Variants in BTD observed in about 807,000 individuals in gnomAD.
The protein encoded by BTD is biocytinase.
A neutral mutation model predicts 17.7 loss-of-function variants in BTD; 13 were observed. The observed-to-expected ratio is 0.74, with a 90% CI of 0.48 to 1.17. The LOEUF is 1.17. Ranked by LOEUF, BTD falls within the 50% of genes most tolerant of loss-of-function variation. BTD has a pLI of 0.00. For missense variants in BTD, 674 were observed against 650.4 expected, an observed-to-expected ratio of 1.04 and a Z score of -0.39; for synonymous variants, 240 against 245.2, an observed-to-expected ratio of 0.98 and a Z score of 0.20.
upstream of BTD, chr3:15,601,420 G>C (rs753727327): frequency 6.2e-7 from 1 of 1,614,012 alleles, no homozygotes; most frequent in South Asian, 1.1e-5. Context: ...TTTAGCACCA[G>C]ACACCTGCTC....
chr3:15,715,408 C>T (rs1402736495), downstream of BTD, among the ~76,000 whole-genome samples: 1 of 152,174 alleles, frequency 6.6e-6, no homozygotes, highest in East Asian at 1.9e-4. Flanking sequence ...TAACACTGTA[C>T]AACGCAGATA....
At chr3:15,702,413 T>C (rs1041479397) in intron 3 of BTD, among the ~76,000 whole-genome samples, 5 of 152,226 alleles carry the variant, frequency 3.3e-5, no homozygotes, top group African/African-American at 1.2e-4. Flanking sequence ...GTTCATTTTA[T>C]GAAACGCAGA....
intron 3 of BTD, among the ~76,000 whole-genome samples, chr3:15,671,984 A>G (rs563800507): frequency 5.3e-5 from 8 of 152,262 alleles, no homozygotes; most frequent in African/African-American, 1.9e-4. Context: ...AAATTTATCA[A>G]TGTTGTATGT....
intron 1 of BTD, among the ~76,000 whole-genome samples, chr3:15,610,318 C>T (rs1373665523): frequency 6.6e-6 from 1 of 152,154 alleles, no homozygotes; most frequent in Non-Finnish European, 1.5e-5. Flanking sequence ...CAGCAGGTTG[C>T]AAAAGGGAAT....
At chr3:15,602,395 G>T (rs373547160) in intron 1 of BTD, 1 of 888,524 alleles carries the variant, frequency 1.1e-6, no homozygotes, top group Non-Finnish European at 1.4e-6. Context: ...AGGAACTATG[G>T]CGTTTCATAA....
chr3:15,676,863 GCTT>G, intron 3 of BTD: 1 of 746,418 alleles, frequency 1.3e-6, no homozygotes. Flanking sequence ...TATTAAAATT[GCTT>G]CTATGACTAA....
Position 15,652,312 on chromosome 3 carries a change from C to T in BTD, c.*6824C>T, listed in dbSNP as rs1267547500. ...CTGCACTCCAGTCTGGGCAACAGAGCGACACTCCGTCTCCAAAAAAAAAAG... is the reference window on the plus strand; with the variant it reads ...CTGCACTCCAGTCTGGGCAACAGAGTGACACTCCGTCTCCAAAAAAAAAAG... On this transcript the variant is annotated 3_prime_UTR_variant, in exon 4 of 4. Coordinates refer to ENST00000643237, the MANE Select transcript of BTD (RefSeq NM_001370658.1). 6.6e-6 allele frequency among the ~76,000 whole-genome samples: 1 copy of T among 152,054 alleles called. No individual in the cohort carries two copies. The highest frequency in any genetic ancestry group is 1.5e-5 in the Non-Finnish European group (1 of 68,008).
At chr3:15,615,547 C>T (rs2064767813) in intron 1 of BTD, among the ~76,000 whole-genome samples, 1 of 152,186 alleles carries the variant, frequency 6.6e-6, no homozygotes, top group Admixed American at 6.5e-5. Context: ...TCCAGTATCA[C>T]CTCACCACTC....
chr3:15,622,804 C>G (rs2064983718), intron 1 of BTD, among the ~76,000 whole-genome samples: 1 of 152,190 alleles, frequency 6.6e-6, no homozygotes, highest in Non-Finnish European at 1.5e-5. Flanking sequence ...TTGTGACCCA[C>G]TTTTTAATCC....
downstream of BTD, among the ~76,000 whole-genome samples, chr3:15,654,549 T>C (rs1461572640): frequency 1.3e-5 from 2 of 152,182 alleles, no homozygotes; most frequent in Non-Finnish European, 1.5e-5. Flanking sequence ...AACATTTCTT[T>C]GGAATTATTC....
chr3:15,626,364 T>C (rs1232949662), intron 1 of BTD, among the ~76,000 whole-genome samples: 1 of 152,208 alleles, frequency 6.6e-6, no homozygotes, highest in Non-Finnish European at 1.5e-5. Flanking sequence ...GCTTTGCCTC[T>C]AATGCTGAGG....
At position 15,602,059 on chromosome 3, in the gene BTD, G is replaced by A. The variant is rs543131476; in HGVS notation, c.-17+165G>A. 5.5e-6 allele frequency: 8 copies of A among 1,451,618 alleles called. No homozygotes were observed. In the African/African-American group the frequency reaches 8.5e-5, roughly 15 times the overall value. The allele number at this position is 1,451,618 out of a possible 1,614,324, so 89.9% of individuals were successfully genotyped here. ...CTGGGGCTGTTTGTGCGTTGCTGCT[G>A]TGCTACCGCGTTGCGTTTTCTAGGC... is the stretch of plus-strand genomic sequence containing the variant. On this transcript the variant is annotated intron_variant, in intron 1 of 3. Coordinates refer to ENST00000643237, the MANE Select transcript of BTD (RefSeq NM_001370658.1).
intron 2 of BTD, among the ~76,000 whole-genome samples, chr3:15,641,087 G>C (rs2065489856): frequency 6.6e-6 from 1 of 152,184 alleles, no homozygotes; most frequent in South Asian, 2.1e-4. Context: ...AGCCCTGAGA[G>C]CTGAGGGCGG....
At chr3:15,686,002 C>G (rs1266196558) in intron 3 of BTD, 1 of 1,611,416 alleles carries the variant, frequency 6.2e-7, no homozygotes, top group Non-Finnish European at 8.5e-7. Context: ...TTCTGCTTAC[C>G]CCTCTATGCA....
Position 15,645,688 on chromosome 3 carries a change from G to A in BTD, c.*200G>A, listed in dbSNP as rs2065678332. 5.0e-6 allele frequency: 3 copies of A among 597,582 alleles called. No homozygotes were observed. Among genetic ancestry groups the A allele is most frequent in the East Asian group, 2.8e-5 (1 of 35,692 alleles). The allele number at this position is 597,582 out of a possible 1,614,324, so 37.0% of individuals were successfully genotyped here. A position where few individuals can be genotyped will look rare whatever the true frequency, so the allele number is the denominator to read the frequency against. On this transcript the variant is annotated 3_prime_UTR_variant, in exon 4 of 4. Transcript: ENST00000643237. Reference sequence around the variant, plus strand: ...GTCTTCCTCTTAAACCTCAATCATCGAGACATTAGGGGGTATTTTCTGTTC... The same window carrying A: ...GTCTTCCTCTTAAACCTCAATCATCAAGACATTAGGGGGTATTTTCTGTTC...
chr3:15,695,167 A>AG (rs1310411459), intron 3 of BTD: 13 of 1,581,476 alleles, frequency 8.2e-6, no homozygotes, highest in Non-Finnish European at 9.5e-6. Flanking sequence ...AATTGGTGGG[A>AG]GGGAATTGAC....
At chr3:15,632,132 G>T (rs2065228283) in intron 1 of BTD, among the ~76,000 whole-genome samples, 1 of 152,026 alleles carries the variant, frequency 6.6e-6, no homozygotes, top group Admixed American at 6.5e-5. Context: ...CCCCCTTCAG[G>T]CCTCGGTCCA....
intron 1 of BTD, among the ~76,000 whole-genome samples, chr3:15,628,073 C>G (rs1376734748): frequency 6.6e-6 from 1 of 152,244 alleles, no homozygotes; most frequent in Non-Finnish European, 1.5e-5. Flanking sequence ...CCCTATTACC[C>G]ACCACATTGT....
intron 3 of BTD, among the ~76,000 whole-genome samples, chr3:15,689,186 A>G (rs927407261): frequency 6.6e-6 from 1 of 152,190 alleles, no homozygotes; most frequent in African/African-American, 2.4e-5. Context: ...TGAAGAGCCA[A>G]GCTGACATTT....
Sources: gnomAD v4.1 joint callset for allele counts (sites outside exome capture counted in the v4.1 genomes callset) on GRCh38, gnomAD v4.1.1 for gene constraint, MANE v1.5 for transcripts, NCBI Gene and HGNC (gene_info 2026-07-23, HGNC 2026-07-21) for gene names.